TNK2: variants seen among roughly 807,000 people sequenced by gnomAD.
TNK2 encodes tyrosine kinase non receptor 2, also known as activated CDC42 kinase 1.
Under a neutral mutation model 101.8 loss-of-function variants are expected in TNK2, and 83 were observed. The observed-to-expected ratio is 0.82, with a 90% CI of 0.68 to 0.98. TNK2 has a LOEUF of 0.98. Ranked by LOEUF, TNK2 falls within the 50% of genes least tolerant of loss-of-function variation. The pLI, the probability that TNK2 is intolerant of heterozygous loss-of-function variation, is 0.00. For missense variants in TNK2, 1,665 were observed against 1,483.2 expected, an observed-to-expected ratio of 1.12 and a Z score of -2.01; for synonymous variants, 804 against 633.0, an observed-to-expected ratio of 1.27 and a Z score of -4.06.
At position 195,885,700 on chromosome 3, in the gene TNK2, G is replaced by A; in HGVS notation, c.235-667C>T. 1 of 722,564 alleles carries A rather than the reference G, an allele frequency of 1.4e-6. No homozygotes were observed. The highest frequency in any genetic ancestry group is 2.0e-6 in the Non-Finnish European group (1 of 489,732). The allele number at this position is 722,564 out of a possible 1,614,324, so 44.8% of individuals were successfully genotyped here. A position where few individuals can be genotyped will look rare whatever the true frequency, so the allele number is the denominator to read the frequency against. ...GGGCTGAGACGGAAGGAAAAGTGGA[G>A]GAGACTCGGAGGCCAGGGTGGACAG... On this transcript the variant is annotated intron_variant, in intron 3 of 15. Coordinates refer to ENST00000672887, the MANE Select transcript of TNK2 (RefSeq NM_001382273.1). The surrounding 1 kb of genome is among the most constrained non-coding windows in gnomAD (Gnocchi z 4.7).
intron 1 of TNK2, chr3:195,891,840 G>A (rs575859388): frequency 5.8e-6 from 5 of 863,302 alleles, no homozygotes; most frequent in Admixed American, 1.2e-4. Context: ...AGACCCAGAG[G>A]CCCCTCCCCT....
Position 195,867,252 on chromosome 3 carries a change from C to A in TNK2, c.2950G>T (p.Val984Leu). Reference protein sequence around the residue: ...ADKIQMLQAMVHGVTTEECQA... With the variant: ...ADKIQMLQAMLHGVTTEECQA... ...CACTCCTCTGTGGTCACCCCATGCA[C>A]CATGGCCTGCAGCTGGGCACACCCA... Residue 984 changes from valine (V) to leucine (L), a missense_variant, in exon 14 of 16, where the codon GTG becomes TTG. Physicochemically the swap from Val to Leu is conservative, Grantham distance 32. This residue lies in a region of TNK2 where 1,136 missense variants were observed against 894.9 expected (regional missense o/e 1.27). Transcript: ENST00000672887. 6.2e-7 allele frequency: 1 copy of A among 1,612,604 alleles called. No individual in the cohort carries two copies. The highest frequency in any genetic ancestry group is 8.5e-7 in the Non-Finnish European group (1 of 1,179,766).
At chr3:195,887,792 C>T (rs1330103623) in intron 2 of TNK2, among the ~76,000 whole-genome samples, 1 of 143,586 alleles carries the variant, frequency 7.0e-6, no homozygotes, top group African/African-American at 2.7e-5. Flanking sequence ...CGTGTGTGTA[C>T]ATGTGTGTAT....
intron 1 of TNK2, chr3:195,908,215 CCT>C: frequency 6.4e-6 from 1 of 155,716 alleles, no homozygotes; most frequent in East Asian, 1.9e-4. Context: ...TGGGGCTACC[CCT>C]CTCTTCCCTC....
intron 15 of TNK2, among the ~76,000 whole-genome samples, chr3:195,864,746 C>G (rs1433217647): frequency 2.8e-5 from 3 of 107,016 alleles, no homozygotes; most frequent in African/African-American, 7.5e-5. Context: ...CAGGTGACAG[C>G]GAGTGCCTGC....
At chr3:195,870,277 C>T (rs780190074) in intron 10 of TNK2, 72 bp from the exon 11 acceptor site, 4 of 1,586,844 alleles carry the variant, frequency 2.5e-6, no homozygotes, top group Non-Finnish European at 2.6e-6. Flanking sequence ...CATCAGAGCC[C>T]CTTCGTCCTG....
chr3:195,869,814 C>T, intron 11 of TNK2: 1 of 581,176 alleles, frequency 1.7e-6, no homozygotes, highest in Non-Finnish European at 3.1e-6. Context: ...GACAGGAGAG[C>T]AGGATTAGGG....
At chr3:195,875,406 T>C (rs1164509906) in intron 9 of TNK2, among the ~76,000 whole-genome samples, 1 of 122,172 alleles carries the variant, frequency 8.2e-6, no homozygotes, top group Non-Finnish European at 1.6e-5. Flanking sequence ...CCACGCACGC[T>C]CCGAGGCACA....
At position 195,867,911 on chromosome 3, in the gene TNK2, C is replaced by T. The variant is rs764528408; in HGVS notation, c.2387G>A (p.Arg796Gln). 3.7e-5 allele frequency: 57 copies of T among 1,530,410 alleles called. No individual in the cohort carries two copies. The highest frequency in any genetic ancestry group is 7.6e-5 in the South Asian group (6 of 79,198). The allele number at this position is 1,530,410 out of a possible 1,614,324, so 94.8% of individuals were successfully genotyped here. Reference protein sequence around the residue: ...GPASPPRVPPREPLSPQGSRT... With the variant: ...GPASPPRVPPQEPLSPQGSRT... ...CGAGCCTTGAGGGGACAGGGGCTCC[C>T]GCGGAGGCACCCGGGGAGGGGAAGC... The change falls in exon 13 of 16, where the codon CGG (arginine) becomes CAG (glutamine). Residue 796 changes from arginine to glutamine, a missense_variant. By Grantham distance (43) the Arg-to-Gln change is conservative. Transcript: ENST00000672887.
intron 15 of TNK2, 137 bp from the exon 16 acceptor site, chr3:195,864,324 C>T (rs1190427368): frequency 3.4e-6 from 3 of 887,286 alleles, no homozygotes; most frequent in Middle Eastern, 2.2e-4. Context: ...AATTTATCAT[C>T]CTGGATGTCT....
intron 1 of TNK2, chr3:195,895,582 TCCCAGTGAGCCAGCTGTGCCAGC>T: frequency 7.6e-7 from 1 of 1,309,966 alleles, no homozygotes; most frequent in Non-Finnish European, 9.7e-7. Flanking sequence ...TCCCACCCTC[TCCCAGTGAGCCAGCTGTGCCAGC>T]CCCGGGCTGA....
At chr3:195,870,323 G>GGCCTCCC in intron 10 of TNK2, 118 bp from the exon 11 acceptor site, 2 of 1,535,644 alleles carry the variant, frequency 1.3e-6, no homozygotes, top group Non-Finnish European at 1.8e-6. Flanking sequence ...CTGAAGCACA[G>GGCCTCCC]GCCTCCCGCC....
chr3:195,868,461 A>G lies in TNK2; in HGVS notation c.1837T>C (p.Ser613Pro). The change falls in exon 13 of 16, where the codon TCC becomes CCC. Residue 613 changes from serine to proline, a missense_variant. By Grantham distance (74) the Ser-to-Pro change is moderately conservative. Around this residue, in one of 3 missense-constraint regions of TNK2, gnomAD observed 1,136 missense variants for 894.9 expected, o/e 1.27. Coordinates refer to ENST00000672887, the MANE Select transcript of TNK2 (RefSeq NM_001382273.1). The stretch of plus-strand genomic sequence containing the variant: ...TGAGGCGGGGTCTCGTCCAGCAGGG[A>G]GCAGGCGTCCATGGCCAGCTGCGCC... ...SLAQLAMDAC[S>P]LLDETPPQSP... 6.4e-7 allele frequency: 1 copy of G among 1,559,120 alleles called. No individual in the cohort carries two copies. The highest frequency in any genetic ancestry group is 1.2e-5 in the South Asian group (1 of 86,312).
rs376442586 is a variant in TNK2, at chr3:195,878,477, G to T, written c.1130C>A (p.Thr377Lys). 6.2e-7 allele frequency: 1 copy of T among 1,613,990 alleles called. No individual in the cohort carries two copies. ...CAGGAAGTCCCGCAGGGCCACAAAC[G>T]TGGGTCTGTCCTCTGGCTTGTGAGC... ...CWAHKPEDRP[T>K]FVALRDFLLE... is the part of the protein sequence containing the mutation. Residue 377 changes from threonine (T) to lysine (K), a missense_variant, in exon 8 of 16, where the codon ACG becomes AAG. Physicochemically the swap from Thr to Lys is moderately conservative, Grantham distance 78 (BLOSUM62 -1). Around this residue, in one of 3 missense-constraint regions of TNK2, gnomAD observed 490 missense variants for 522.5 expected, o/e 0.94. Transcript: ENST00000672887. This position sits in a 1 kb window ranked among gnomAD's most constrained non-coding sequence, Gnocchi z 4.7.
chr3:195,881,177 A>C (rs1577060185), intron 6 of TNK2, among the ~76,000 whole-genome samples: 1 of 2,062 alleles, frequency 4.8e-4, no homozygotes. Context: ...TCCCTGTAAC[A>C]CCCCCCCAGC....
chr3:195,864,287 G>T, intron 15 of TNK2, 100 bp from the exon 16 acceptor site: 1 of 1,372,944 alleles, frequency 7.3e-7, no homozygotes, highest in Non-Finnish European at 1.0e-6. Flanking sequence ...ACCACTGGAA[G>T]CTGGCAGTCC....
intron 1 of TNK2, chr3:195,892,592 T>G (rs1759026099): frequency 6.9e-7 from 1 of 1,458,124 alleles, no homozygotes; most frequent in South Asian, 1.4e-5. Flanking sequence ...ACACCAGGGG[T>G]GGGAAATGAG....
chr3:195,907,284 G>A (rs915307457), intron 1 of TNK2, among the ~76,000 whole-genome samples: 2 of 152,228 alleles, frequency 1.3e-5, no homozygotes, highest in African/African-American at 2.4e-5. Flanking sequence ...CGACAGGCAT[G>A]GGATGAAGCT....
At chr3:195,881,690 C>A (rs1490315593) in intron 6 of TNK2, among the ~76,000 whole-genome samples, 87 of 129,986 alleles carry the variant, frequency 6.7e-4, no homozygotes, top group African/African-American at 8.6e-4. Context: ...CCTATAACAC[C>A]CCCCCGCCAG....
Sources: allele counts gnomAD v4.1 joint callset (sites outside exome capture counted in the v4.1 genomes callset), GRCh38; gene constraint gnomAD v4.1.1; regional missense constraint gnomAD v4.1.1; non-coding constraint Gnocchi (gnomAD v3.1); transcripts MANE v1.5; gene names NCBI Gene and HGNC (gene_info 2026-07-23, HGNC 2026-07-21).